NMNAT3: variants seen among roughly 807,000 people sequenced by gnomAD.
NMNAT3 encodes nicotinamide nucleotide adenylyltransferase 3, also known as nicotinamide/nicotinic acid mononucleotide adenylyltransferase 3.
In NMNAT3, 21 loss-of-function variants were observed where a neutral mutation model predicts 24.8. That is an observed-to-expected ratio of 0.85 (90% CI 0.60 to 1.22). The LOEUF (loss-of-function observed/expected upper bound fraction) is 1.22. Ranked by LOEUF, NMNAT3 falls within the 50% of genes most tolerant of loss-of-function variation. The probability of loss-of-function intolerance (pLI) is 0.00; values close to 1 mark genes in which losing one functional copy is unlikely to be tolerated. For missense variants in NMNAT3, 387 were observed against 436.6 expected (o/e 0.89, Z 1.01); for synonymous variants, 136 against 155.2 (o/e 0.88, Z 0.92).
chr3:139,592,394 T>C (rs2054238057), intron 3 of NMNAT3, among the ~76,000 whole-genome samples: 1 of 152,184 alleles, frequency 6.6e-6, no homozygotes, highest in African/African-American at 2.4e-5. Flanking sequence ...GAAAACACTC[T>C]GCAGGATATT....
chr3:139,613,971 A>G (rs1331516353), intron 3 of NMNAT3, among the ~76,000 whole-genome samples: 1 of 150,726 alleles, frequency 6.6e-6, no homozygotes, highest in Non-Finnish European at 1.5e-5. Flanking sequence ...GGAACATCAC[A>G]CACCAGGGCC....
chr3:139,624,946 T>C (rs916735542), intron 3 of NMNAT3, among the ~76,000 whole-genome samples: 1 of 152,240 alleles, frequency 6.6e-6, no homozygotes, highest in Non-Finnish European at 1.5e-5. Context: ...AGCATTAAAA[T>C]AGCTGACTCT....
intron 3 of NMNAT3, among the ~76,000 whole-genome samples, chr3:139,600,782 G>A (rs953723244): frequency 6.6e-6 from 1 of 152,202 alleles, no homozygotes; most frequent in Admixed American, 6.5e-5. Flanking sequence ...CACCTTCTGT[G>A]TGTCTGAGCC....
intron 3 of NMNAT3, among the ~76,000 whole-genome samples, chr3:139,591,138 G>C (rs868547561): frequency 5.0e-4 from 75 of 151,270 alleles, no homozygotes; most frequent in African/African-American, 1.8e-3. Context: ...GAAGCAGGGC[G>C]AGGCATTGCC....
intron 1 of NMNAT3, among the ~76,000 whole-genome samples, chr3:139,649,322 A>AAAACAAAC (rs3028177): frequency 0.32 from 47,957 of 150,390 alleles, 8,754 homozygotes; most frequent in East Asian, 0.68. Context: ...GCAAGCAAAG[A>AAAACAAAC]AAACAAACAA....
At chr3:139,561,602 T>G (rs563945624) in intron 6 of NMNAT3, among the ~76,000 whole-genome samples, 43 of 152,364 alleles carry the variant, frequency 2.8e-4, no homozygotes, top group African/African-American at 9.9e-4. Flanking sequence ...CAATACACCT[T>G]TTGTTTAATA....
At chr3:139,601,722 C>G (rs1182017802) in intron 3 of NMNAT3, among the ~76,000 whole-genome samples, 1 of 152,104 alleles carries the variant, frequency 6.6e-6, no homozygotes, top group Non-Finnish European at 1.5e-5. Flanking sequence ...GATAAAGTCC[C>G]AAGGGAGTTG....
At chr3:139,645,560 C>T (rs924385994) in intron 1 of NMNAT3, among the ~76,000 whole-genome samples, 9 of 152,110 alleles carry the variant, frequency 5.9e-5, no homozygotes, top group East Asian at 5.8e-4. Context: ...GTCGCATGAC[C>T]GCTGTTGCAG....
intron 6 of NMNAT3, chr3:139,568,333 T>C (rs1367666687): frequency 6.6e-6 from 1 of 152,230 alleles, no homozygotes; most frequent in Non-Finnish European, 1.5e-5. Context: ...TTTTTGTGTC[T>C]CTATTTCCTT....
At chr3:139,626,382 T>A (rs975298111) in intron 3 of NMNAT3, among the ~76,000 whole-genome samples, 1 of 152,158 alleles carries the variant, frequency 6.6e-6, no homozygotes, top group Non-Finnish European at 1.5e-5. Flanking sequence ...TAATGTCTAA[T>A]CTGTTTTTTA....
At chr3:139,614,001 G>A (rs185194442) in intron 3 of NMNAT3, among the ~76,000 whole-genome samples, 3 of 151,872 alleles carry the variant, frequency 2.0e-5, no homozygotes, top group African/African-American at 7.3e-5. Context: ...GTGGGGGAAG[G>A]GGGGAGGGAT....
At chr3:139,667,362 G>A (rs184970699) in intron 1 of NMNAT3, among the ~76,000 whole-genome samples, 19 of 152,288 alleles carry the variant, frequency 1.2e-4, no homozygotes, top group Admixed American at 1.2e-3. Flanking sequence ...TGTTAGTGAT[G>A]TTGGGGATTT....
intron 3 of NMNAT3, chr3:139,599,312 G>A (rs2054607549): frequency 1.4e-6 from 1 of 702,368 alleles, no homozygotes; most frequent in Non-Finnish European, 2.6e-6. Context: ...GCAGACTTCA[G>A]TTCTGGGGCT....
chr3:139,616,463 A>G (rs2055507596), intron 3 of NMNAT3, among the ~76,000 whole-genome samples: 1 of 152,026 alleles, frequency 6.6e-6, no homozygotes, highest in African/African-American at 2.4e-5. Context: ...ACCCCTAAGG[A>G]TACCTTCATT....
In NMNAT3 at chr3:139,583,325, G is replaced by A. The variant is rs191607841; in HGVS notation, c.110-117C>T. The A allele has an allele frequency of 1.6e-3, 2,211 of 1,387,156 alleles. 5 individuals are homozygous for A. Among genetic ancestry groups the A allele is most frequent in the Non-Finnish European group, 2.1e-3 (2,003 of 973,570 alleles). The allele number at this position is 1,387,156 out of a possible 1,614,324, so 85.9% of individuals were successfully genotyped here. ...ATGTTTAATGATGTCAATCTTCAAT[G>A]GAAGTTTCACAAGTGGAATCTGTTC... On this transcript the variant is annotated intron_variant, in intron 3 of 6. Coordinates refer to ENST00000643695, the MANE Select transcript of NMNAT3 (RefSeq NM_001320510.2).
chr3:139,650,802 G>A (rs1299527118), intron 1 of NMNAT3, among the ~76,000 whole-genome samples: 3 of 152,188 alleles, frequency 2.0e-5, no homozygotes, highest in Non-Finnish European at 4.4e-5. Flanking sequence ...AGGACCTGGA[G>A]CAATTCTCTA....
chr3:139,671,443 CT>C (rs1469753636), intron 1 of NMNAT3, among the ~76,000 whole-genome samples: 4 of 152,208 alleles, frequency 2.6e-5, no homozygotes, highest in Admixed American at 6.5e-5. Flanking sequence ...TACAGTGGCT[CT>C]TTCTAATTTT....
chr3:139,625,759 T>C (rs1267281774), intron 3 of NMNAT3, among the ~76,000 whole-genome samples: 1 of 152,196 alleles, frequency 6.6e-6, no homozygotes, highest in African/African-American at 2.4e-5. Context: ...ATTCCTGTGT[T>C]GGTCCATGCT....
rs1333410463 is a variant in NMNAT3, at chr3:139,583,040, G to C, written c.278C>G (p.Ala93Gly). 2 of 1,607,388 alleles carry C rather than the reference G, an allele frequency of 1.2e-6. No homozygotes were observed. Among genetic ancestry groups the C allele is most frequent in the Admixed American group, 1.7e-5 (1 of 59,174 alleles). ...CTTGCTGTCATTCAAATCACAGAACGCTTGTTCTTCAGTTCTTTTGCGTTT... is the reference window on the plus strand; with the variant it reads ...CTTGCTGTCATTCAAATCACAGAACCCTTGTTCTTCAGTTCTTTTGCGTTT... Residue 93 changes from alanine (A) to glycine (G), a missense_variant, in exon 4 of 7, where the codon GCG (alanine) becomes GGG (glycine). Physicochemically the swap from Ala to Gly is moderately conservative, Grantham distance 60 (BLOSUM62 0). Around this residue, in one of 3 missense-constraint regions of NMNAT3, gnomAD observed 323 missense variants for 345.2 expected, o/e 0.94. Coordinates refer to ENST00000643695, the MANE Select transcript of NMNAT3 (RefSeq NM_001320510.2).
Sources: gnomAD v4.1 joint callset for allele counts (sites outside exome capture counted in the v4.1 genomes callset) on GRCh38, gnomAD v4.1.1 for gene constraint, gnomAD v4.1.1 regional missense constraint, MANE v1.5 for transcripts, NCBI Gene and HGNC (gene_info 2026-07-23, HGNC 2026-07-21) for gene names.